THSD7B: variants seen among roughly 807,000 people sequenced by gnomAD.
THSD7B encodes thrombospondin type-1 domain-containing protein 7B.
Under a neutral mutation model 213.6 loss-of-function variants are expected in THSD7B, and 138 were observed. The observed-to-expected ratio is 0.65, with a 90% confidence interval of 0.56 to 0.74. The LOEUF (loss-of-function observed/expected upper bound fraction) is 0.74. THSD7B is among the 30% of genes least tolerant of loss of function. The pLI, the probability that THSD7B is intolerant of heterozygous loss-of-function variation, is 0.00. For missense variants in THSD7B, 1,931 were observed against 1,991.5 expected (o/e 0.97, Z 0.58); for synonymous variants, 742 against 687.0 (o/e 1.08, Z -1.25).
chr2:137,058,165 T>A (rs1687203988), intron 3 of THSD7B, among the ~76,000 whole-genome samples: 1 of 149,916 alleles, frequency 6.7e-6, no homozygotes. Flanking sequence ...AGTAATGTGA[T>A]GATTGTTTTT....
At chr2:136,796,095 T>G (rs986692548) in intron 1 of THSD7B, among the ~76,000 whole-genome samples, 1 of 151,986 alleles carries the variant, frequency 6.6e-6, no homozygotes, top group African/African-American at 2.4e-5. Flanking sequence ...TTATTGCTCC[T>G]ACTGCTTTTT....
chr2:137,429,874 A>G (rs972778788), intron 14 of THSD7B, among the ~76,000 whole-genome samples: 18 of 152,256 alleles, frequency 1.2e-4, no homozygotes, highest in East Asian at 1.2e-3. Flanking sequence ...ATTTGAGTAA[A>G]GTTTCACCTT....
At chr2:136,923,285 CT>C (rs533503114) in intron 2 of THSD7B, among the ~76,000 whole-genome samples, 45 of 152,078 alleles carry the variant, frequency 3.0e-4, no homozygotes, top group Non-Finnish European at 6.2e-4. Flanking sequence ...GAATTTCCTT[CT>C]TTTTAAAGGC....
chr2:136,774,984 C>T (rs139239226), intron 1 of THSD7B, among the ~76,000 whole-genome samples: 4 of 152,082 alleles, frequency 2.6e-5, no homozygotes, highest in East Asian at 1.9e-4. Flanking sequence ...CTGCTGTGTC[C>T]GTGACATAGA....
chr2:136,834,314 A>G (rs1270105752), intron 1 of THSD7B, among the ~76,000 whole-genome samples: 1 of 152,210 alleles, frequency 6.6e-6, no homozygotes, highest in East Asian at 1.9e-4. Context: ...CACAGTGGCT[A>G]TGGTCCTTTG....
chr2:137,271,853 T>C (rs1376118699), intron 10 of THSD7B, among the ~76,000 whole-genome samples: 1 of 152,134 alleles, frequency 6.6e-6, no homozygotes, highest in Non-Finnish European at 1.5e-5. Context: ...AGAAGGCATC[T>C]AAAGATTGTG....
At chr2:137,078,009 G>A (rs1558911682) in intron 3 of THSD7B, among the ~76,000 whole-genome samples, 1 of 152,184 alleles carries the variant, frequency 6.6e-6, no homozygotes, top group Admixed American at 6.5e-5. Flanking sequence ...TGTATAAGAT[G>A]TAAGGAAGGG....
At chr2:137,351,470 T>C (rs1212161683) in intron 12 of THSD7B, among the ~76,000 whole-genome samples, 3 of 151,978 alleles carry the variant, frequency 2.0e-5, no homozygotes. Context: ...CAATGGTCCA[T>C]GCATGCATAG....
At chr2:137,579,188 A>G (rs1346649504) in intron 17 of THSD7B, among the ~76,000 whole-genome samples, 1 of 152,146 alleles carries the variant, frequency 6.6e-6, no homozygotes, top group Non-Finnish European at 1.5e-5. Flanking sequence ...TGCCCATTGT[A>G]GAGATTTTCT....
At chr2:137,035,155 CT>C (rs915147149) in intron 2 of THSD7B, among the ~76,000 whole-genome samples, 1 of 151,956 alleles carries the variant, frequency 6.6e-6, no homozygotes, top group African/African-American at 2.4e-5. Flanking sequence ...TATCGTTTCC[CT>C]TTTTTTGGAA....
rs1681628467 is a variant in THSD7B, at chr2:137,231,077, C to T, written c.1757C>T (p.Pro586Leu). The change falls in exon 8 of 28, where the codon CCC becomes CTC. Residue 586 changes from proline to leucine, a missense_variant. Transcript: ENST00000409968. ...EDVSGSLCPV[P>L]PPPERKSCEI... ...GTATCAGGGAGTCTTTGCCCAGTTCCCCCTCCTCCTGAGAGGAAGTCTTGT... is the reference window on the plus strand; with the variant it reads ...GTATCAGGGAGTCTTTGCCCAGTTCTCCCTCCTCCTGAGAGGAAGTCTTGT... 1.2e-6 allele frequency: 2 copies of T among 1,613,610 alleles called. No homozygotes were observed. Among genetic ancestry groups the T allele is most frequent in the Non-Finnish European group, 1.7e-6 (2 of 1,179,744 alleles).
chr2:137,170,816 C>G lies in THSD7B; in HGVS notation c.1601C>G (p.Ser534Cys). The change falls in exon 7 of 28, where the codon TCT becomes TGT. Residue 534 changes from serine (S) to cysteine (C), a missense_variant. By Grantham distance (112) the Ser-to-Cys change is moderately radical. Coordinates refer to ENST00000409968, the MANE Select transcript of THSD7B (RefSeq NM_001316349.2). Reference sequence around the variant, plus strand: ...GGGCATTGCCCTCATTTGGTGGAGTCTGTTCCTTGTGAGGATCCAATGTGC... The same window carrying G: ...GGGCATTGCCCTCATTTGGTGGAGTGTGTTCCTTGTGAGGATCCAATGTGC... ...PAGHCPHLVE[S>C]VPCEDPMCYR... is the part of the protein sequence containing the mutation. The G allele has an allele frequency of 1.2e-6, 2 of 1,613,758 alleles. No individual in the cohort carries two copies. The highest frequency in any genetic ancestry group is 2.2e-5 in the East Asian group (1 of 44,840).
At chr2:137,404,074 T>C (rs1020772679) in intron 12 of THSD7B, among the ~76,000 whole-genome samples, 1 of 151,930 alleles carries the variant, frequency 6.6e-6, no homozygotes, top group African/African-American at 2.4e-5. Flanking sequence ...ATAAATAAAA[T>C]AAAACAAAAT....
chr2:136,913,330 A>G (rs911185688), intron 2 of THSD7B, among the ~76,000 whole-genome samples: 1 of 152,250 alleles, frequency 6.6e-6, no homozygotes, highest in Non-Finnish European at 1.5e-5. Flanking sequence ...TAAAAGGGAA[A>G]TAGAGCATAA....
chr2:137,435,140 T>A (rs1266304280), intron 14 of THSD7B, among the ~76,000 whole-genome samples: 1 of 152,220 alleles, frequency 6.6e-6, no homozygotes, highest in Non-Finnish European at 1.5e-5. Flanking sequence ...TCTGGATTTC[T>A]CATTAGTTAT....
intron 2 of THSD7B, among the ~76,000 whole-genome samples, chr2:136,990,050 G>A (rs191360439): frequency 5.6e-4 from 85 of 152,278 alleles, no homozygotes; most frequent in African/African-American, 8.2e-4. Context: ...CTAAAGTGAC[G>A]ATGGCTTTAA....
At chr2:137,069,686 G>T (rs1479827051) in intron 3 of THSD7B, among the ~76,000 whole-genome samples, 1 of 151,672 alleles carries the variant, frequency 6.6e-6, no homozygotes, top group Non-Finnish European at 1.5e-5. Flanking sequence ...CTTGTTTTTT[G>T]TATCTGCTGT....
intron 2 of THSD7B, among the ~76,000 whole-genome samples, chr2:136,899,068 C>G (rs1327594713): frequency 6.6e-6 from 1 of 151,964 alleles, no homozygotes; most frequent in Non-Finnish European, 1.5e-5. Context: ...TTTAAAGTAC[C>G]AAGGAACCAT....
intron 21 of THSD7B, among the ~76,000 whole-genome samples, chr2:137,651,474 C>T (rs1558871823): frequency 6.6e-6 from 1 of 151,528 alleles, no homozygotes; most frequent in Non-Finnish European, 1.5e-5. Flanking sequence ...CTTAGTCTAG[C>T]TAAAAGTTTG....
Sources: allele counts gnomAD v4.1 joint callset (sites outside exome capture counted in the v4.1 genomes callset), GRCh38; gene constraint gnomAD v4.1.1; transcripts MANE v1.5; gene names NCBI Gene and HGNC (gene_info 2026-07-23, HGNC 2026-07-21).